The following DGKB variants were observed in gnomAD, a reference collection of about 807,000 sequenced individuals.
The protein encoded by DGKB is 90 kDa diacylglycerol kinase.
A neutral mutation model predicts 114.3 loss-of-function variants in DGKB; 67 were observed. The observed-to-expected ratio is 0.59, with a 90% CI of 0.48 to 0.72. DGKB has a LOEUF of 0.72. DGKB is among the 30% of genes least tolerant of loss of function. DGKB has a pLI of 0.00. For missense variants in DGKB, 907 were observed against 975.2 expected (o/e 0.93, Z 0.93); for synonymous variants, 398 against 323.1 (o/e 1.23, Z -2.49).
At chr7:14,482,111 A>G (rs1327713275) in intron 20 of DGKB, among the ~76,000 whole-genome samples, 2 of 151,978 alleles carry the variant, frequency 1.3e-5, no homozygotes, top group Non-Finnish European at 2.9e-5. Context: ...TTAGATTTTC[A>G]TTATTGTCAT....
chr7:14,625,615 A>C (rs1329994349), intron 14 of DGKB, among the ~76,000 whole-genome samples: 4 of 152,194 alleles, frequency 2.6e-5, no homozygotes, highest in Admixed American at 6.5e-5. Context: ...TTTAACCTTC[A>C]GTTTCTTTCT....
At chr7:14,282,747 G>A (rs377420757) in intron 23 of DGKB, among the ~76,000 whole-genome samples, 2 of 151,942 alleles carry the variant, frequency 1.3e-5, no homozygotes, top group South Asian at 2.1e-4. Flanking sequence ...TATAAACAGA[G>A]CCAAAGACAA....
intron 1 of DGKB, among the ~76,000 whole-genome samples, chr7:14,930,513 G>T (rs1376331169): frequency 2.0e-5 from 3 of 151,970 alleles, no homozygotes; most frequent in Non-Finnish European, 2.9e-5. Flanking sequence ...TTCAGCTAGG[G>T]TCATTATTAT....
chr7:14,168,493 C>G (rs1464885160), intron 25 of DGKB, among the ~76,000 whole-genome samples: 1 of 152,160 alleles, frequency 6.6e-6, no homozygotes, highest in Non-Finnish European at 1.5e-5. Flanking sequence ...CTCAAAGAAA[C>G]CCATGCCCAG....
intron 4 of DGKB, among the ~76,000 whole-genome samples, chr7:14,741,946 T>C (rs1832645255): frequency 6.6e-6 from 1 of 152,366 alleles, no homozygotes; most frequent in South Asian, 2.1e-4. Context: ...TTTTTCTTCA[T>C]GGATCTTGTT....
chr7:14,679,219 G>A (rs752254204), intron 12 of DGKB, among the ~76,000 whole-genome samples: 1 of 136,886 alleles, frequency 7.3e-6, no homozygotes, highest in Non-Finnish European at 1.6e-5. Context: ...GCACCCAAAT[G>A]TATTTATGTA....
At chr7:14,907,499 C>A (rs1161011902), upstream of DGKB, among the ~76,000 whole-genome samples, 1 of 152,106 alleles carries the variant, frequency 6.6e-6, no homozygotes, top group Non-Finnish European at 1.5e-5. Context: ...ATGTGTGAAG[C>A]ACATAGCACA....
At chr7:14,776,750 G>A (rs1372682463) in intron 2 of DGKB, among the ~76,000 whole-genome samples, 1 of 152,246 alleles carries the variant, frequency 6.6e-6, no homozygotes, top group Non-Finnish European at 1.5e-5. Context: ...TGCTAGGGCA[G>A]TGGAGAAGGG....
chr7:14,841,490 A>C, intron 1 of DGKB, 40 bp from the exon 2 acceptor site: 1 of 393,668 alleles, frequency 2.5e-6, no homozygotes, highest in Non-Finnish European at 4.5e-6. Flanking sequence ...AAAGATTAAC[A>C]TGATTGCACA....
At chr7:14,186,776 C>G (rs890890376) in intron 23 of DGKB, among the ~76,000 whole-genome samples, 2 of 152,066 alleles carry the variant, frequency 1.3e-5, no homozygotes, top group African/African-American at 4.8e-5. Context: ...GAATGGAAAA[C>G]CAAACGTCGT....
At chr7:14,745,633 A>G (rs1833172860) in intron 4 of DGKB, among the ~76,000 whole-genome samples, 2 of 152,320 alleles carry the variant, frequency 1.3e-5, no homozygotes, top group African/African-American at 4.8e-5. Flanking sequence ...GATTGGGCAG[A>G]GCCACCAAAA....
intron 23 of DGKB, among the ~76,000 whole-genome samples, chr7:14,295,589 T>G (rs1334151805): frequency 4.4e-4 from 67 of 152,244 alleles, no homozygotes; most frequent in African/African-American, 1.6e-3. Flanking sequence ...TAGATAGGTT[T>G]TCTGTGATAG....
At chr7:14,558,446 A>G (rs1796182921) in intron 20 of DGKB, among the ~76,000 whole-genome samples, 2 of 152,130 alleles carry the variant, frequency 1.3e-5, no homozygotes, top group South Asian at 4.1e-4. Context: ...AATGTTTTAC[A>G]ATTTTCAAAT....
intron 21 of DGKB, among the ~76,000 whole-genome samples, chr7:14,423,285 A>G (rs1353493741): frequency 6.6e-6 from 1 of 152,084 alleles, no homozygotes; most frequent in African/African-American, 2.4e-5. Flanking sequence ...ATACCTTGCT[A>G]TTCAATTGCA....
chr7:14,182,740 ATATT>A (rs1447808889), intron 23 of DGKB, among the ~76,000 whole-genome samples: 3 of 152,200 alleles, frequency 2.0e-5, no homozygotes, highest in African/African-American at 7.2e-5. Flanking sequence ...TAAGTGGGTA[ATATT>A]TATTCATAGC....
At chr7:14,402,196 A>G (rs1403852067) in intron 21 of DGKB, among the ~76,000 whole-genome samples, 1 of 151,872 alleles carries the variant, frequency 6.6e-6, no homozygotes, top group Admixed American at 6.6e-5. Flanking sequence ...AAAAGAAAGA[A>G]GGAAGATTGC....
At chr7:14,340,339 T>C (rs184864673) in intron 22 of DGKB, among the ~76,000 whole-genome samples, 6 of 151,752 alleles carry the variant, frequency 4.0e-5, no homozygotes, top group African/African-American at 1.4e-4. Flanking sequence ...GTAAATACCC[T>C]GCAGGCCTCA....
intron 1 of DGKB, among the ~76,000 whole-genome samples, chr7:14,948,947 A>C (rs920178752): frequency 2.0e-5 from 3 of 151,818 alleles, no homozygotes; most frequent in Non-Finnish European, 4.4e-5. Context: ...ACAAGAAACA[A>C]CTAAATGATA....
At chr7:14,608,838 A>T (rs1804994112) in intron 16 of DGKB, among the ~76,000 whole-genome samples, 1 of 152,038 alleles carries the variant, frequency 6.6e-6, no homozygotes, top group South Asian at 2.1e-4. Context: ...CAAAAAATGA[A>T]ATACCTCGGA....
Sources: allele counts gnomAD v4.1 joint callset (sites outside exome capture counted in the v4.1 genomes callset), GRCh38; gene constraint gnomAD v4.1.1; transcripts MANE v1.5; gene names NCBI Gene and HGNC (gene_info 2026-07-23, HGNC 2026-07-21).